The following LRMDA variants were observed in gnomAD, a reference collection of about 807,000 sequenced individuals.
LRMDA encodes leucine-rich melanocyte differentiation-associated protein.
A neutral mutation model predicts 29.8 loss-of-function variants in LRMDA; 18 were observed. The ratio of observed to expected loss-of-function variants is 0.60; its 90% CI spans 0.42 to 0.90. LRMDA has a LOEUF of 0.90. Among genes scored for constraint, LRMDA ranks in the 40% least tolerant of loss-of-function variants. The pLI, the probability that LRMDA is intolerant of heterozygous loss-of-function variation, is 0.00. For synonymous variants in LRMDA, 125 were observed against 109.4 expected (o/e 1.14, Z -0.89); for missense variants, 273 against 273.9 (o/e 1.00, Z 0.02).
At chr10:75,847,012 G>C (rs1313810308) in intron 2 of LRMDA, among the ~76,000 whole-genome samples, 1 of 152,072 alleles carries the variant, frequency 6.6e-6, no homozygotes, top group East Asian at 1.9e-4. Flanking sequence ...CTATTCTAAA[G>C]TTCATGTGGA....
At chr10:75,702,406 T>C (rs1842319490) in intron 2 of LRMDA, among the ~76,000 whole-genome samples, 1 of 152,188 alleles carries the variant, frequency 6.6e-6, no homozygotes, top group Non-Finnish European at 1.5e-5. Flanking sequence ...CTAATACACG[T>C]TGATTGAAGT....
intron 5 of LRMDA, among the ~76,000 whole-genome samples, chr10:76,213,461 A>G (rs1362650149): frequency 2.0e-5 from 3 of 152,264 alleles, no homozygotes; most frequent in Non-Finnish European, 1.5e-5. Context: ...ATTTCTCTTC[A>G]ATGGCACAGT....
chr10:76,215,355 C>G (rs977248817), intron 5 of LRMDA, among the ~76,000 whole-genome samples: 1 of 152,114 alleles, frequency 6.6e-6, no homozygotes, highest in Admixed American at 6.5e-5. Context: ...ATGCAAGGCA[C>G]GTGTTCAGCT....
At chr10:75,818,842 GA>G (rs1381881349) in intron 2 of LRMDA, among the ~76,000 whole-genome samples, 3 of 152,218 alleles carry the variant, frequency 2.0e-5, no homozygotes, top group Non-Finnish European at 4.4e-5. Context: ...AGGGCACGTT[GA>G]AATCCATTAG....
At chr10:76,408,559 G>A (rs941236328) in intron 6 of LRMDA, among the ~76,000 whole-genome samples, 1 of 152,126 alleles carries the variant, frequency 6.6e-6, no homozygotes, top group Non-Finnish European at 1.5e-5. Flanking sequence ...AGGTGCCAGG[G>A]CAGAGATTGC....
chr10:76,097,712 A>C (rs1849334612), intron 5 of LRMDA, among the ~76,000 whole-genome samples: 1 of 152,150 alleles, frequency 6.6e-6, no homozygotes, highest in Non-Finnish European at 1.5e-5. Flanking sequence ...TATATGGTGA[A>C]TTTCATTGAT....
chr10:76,416,755 A>G (rs959800680), intron 6 of LRMDA, among the ~76,000 whole-genome samples: 2 of 152,214 alleles, frequency 1.3e-5, no homozygotes, highest in Admixed American at 6.5e-5. Context: ...CAGAGGCTGC[A>G]TATCTGTTTC....
At chr10:76,320,121 G>T (rs1467161351) in intron 5 of LRMDA, among the ~76,000 whole-genome samples, 2 of 152,320 alleles carry the variant, frequency 1.3e-5, no homozygotes, top group East Asian at 3.9e-4. Context: ...TTCTCGCTTT[G>T]CACGTCTGTT....
chr10:76,450,372 A>T (rs1263531594), intron 6 of LRMDA, among the ~76,000 whole-genome samples: 1 of 152,052 alleles, frequency 6.6e-6, no homozygotes, highest in Non-Finnish European at 1.5e-5. Flanking sequence ...TAGGATTTTA[A>T]ATTTATCATT....
chr10:76,345,781 A>G (rs1215894213), intron 6 of LRMDA, among the ~76,000 whole-genome samples: 3 of 152,168 alleles, frequency 2.0e-5, no homozygotes, highest in Non-Finnish European at 4.4e-5. Context: ...CAATAACCTA[A>G]CAATTACACA....
chr10:76,373,700 T>C (rs1162078409), intron 6 of LRMDA, among the ~76,000 whole-genome samples: 1 of 152,136 alleles, frequency 6.6e-6, no homozygotes, highest in Non-Finnish European at 1.5e-5. Context: ...CACATATGGA[T>C]CATAACTTCC....
Position 76,130,974 on chromosome 10 carries a change from A to G in LRMDA, c.516+72191A>G, listed in dbSNP as rs185481317. On this transcript the variant is annotated intron_variant, in intron 5 of 6. Transcript: ENST00000611255. ...CACCATGCCTGGCCCCACCTAGCCT[A>G]TTGTATACAATGCAAGTGGAGTAAT... Among the ~76,000 whole-genome samples the G allele has an allele frequency of 2.6e-4, 40 of 152,204 alleles. No individual in the cohort carries two copies. The East Asian group carries it at 3.1e-3, about 12-fold the overall frequency.
At chr10:76,085,909 C>T (rs1468321464) in intron 5 of LRMDA, among the ~76,000 whole-genome samples, 1 of 152,204 alleles carries the variant, frequency 6.6e-6, no homozygotes, top group Non-Finnish European at 1.5e-5. Context: ...GAATATTTGA[C>T]AAAACACAAG....
chr10:75,669,034 G>T (rs2132141341), intron 2 of LRMDA, among the ~76,000 whole-genome samples: 1 of 152,232 alleles, frequency 6.6e-6, no homozygotes, highest in South Asian at 2.1e-4. Context: ...ACTCTGAAGG[G>T]CTTTCATTTT....
At chr10:76,315,329 C>G (rs1840679226) in intron 5 of LRMDA, among the ~76,000 whole-genome samples, 1 of 152,222 alleles carries the variant, frequency 6.6e-6, no homozygotes, top group Admixed American at 6.5e-5. Flanking sequence ...GCCCGCACTC[C>G]TTGGTGCAGC....
chr10:75,532,855 A>G (rs1199951191), intron 2 of LRMDA, among the ~76,000 whole-genome samples: 1 of 152,168 alleles, frequency 6.6e-6, no homozygotes, highest in Non-Finnish European at 1.5e-5. Flanking sequence ...ATCCTGATGT[A>G]TATTCAAGTT....
chr10:76,452,145 T>C (rs1044642232), intron 6 of LRMDA, among the ~76,000 whole-genome samples: 1 of 152,176 alleles, frequency 6.6e-6, no homozygotes, highest in African/African-American at 2.4e-5. Flanking sequence ...CTTGACATGC[T>C]TTAAGTCAAC....
At chr10:75,855,836 C>T (rs1393121778) in intron 2 of LRMDA, among the ~76,000 whole-genome samples, 1 of 152,082 alleles carries the variant, frequency 6.6e-6, no homozygotes, top group Non-Finnish European at 1.5e-5. Context: ...TTTCCCCATT[C>T]CTTGTTTTTG....
chr10:76,296,688 A>G (rs1339036764), intron 5 of LRMDA, among the ~76,000 whole-genome samples: 1 of 152,272 alleles, frequency 6.6e-6, no homozygotes, highest in African/African-American at 2.4e-5. Context: ...TCTCATGGAT[A>G]TAAACCAACC....
Sources: allele counts gnomAD v4.1 joint callset (sites outside exome capture counted in the v4.1 genomes callset), GRCh38; gene constraint gnomAD v4.1.1; transcripts MANE v1.5; gene names NCBI Gene and HGNC (gene_info 2026-07-23, HGNC 2026-07-21).